Variants in SHISA9 observed in about 807,000 individuals in gnomAD.
The protein encoded by SHISA9 is shisa family member 9, also known as protein shisa-9.
Under a neutral mutation model 38.0 loss-of-function variants are expected in SHISA9, and 13 were observed. The ratio of observed to expected loss-of-function variants is 0.34; its 90% confidence interval spans 0.22 to 0.54. The LOEUF is 0.54. SHISA9 is among the 20% of genes least tolerant of loss of function. SHISA9 has a pLI of 0.91. For missense variants in SHISA9, 538 were observed against 575.8 expected (o/e 0.93, Z 0.67); for synonymous variants, 275 against 242.0 (o/e 1.14, Z -1.27).
chr16:13,479,182 A>G, the SHISA9 span, among the ~76,000 whole-genome samples: 1 of 151,716 alleles, frequency 6.6e-6, no homozygotes, highest in Non-Finnish European at 1.5e-5. Context: ...CCTTTCACTG[A>G]CTCTGAATCT....
intron 2 of SHISA9, among the ~76,000 whole-genome samples, chr16:12,940,348 G>A (rs2071593765): frequency 6.6e-6 from 1 of 152,014 alleles, no homozygotes; most frequent in Non-Finnish European, 1.5e-5. Flanking sequence ...ATATGCCTAG[G>A]CATGCCTGAA....
In SHISA9 at chr16:13,000,688, G is replaced by A. The variant is rs371547876; in HGVS notation, c.691+83873G>A. The stretch of plus-strand genomic sequence containing the variant: ...CAGTGTCTGCTAGGAGGGCTACGGG[G>A]GATGACGCATGGGGATGGCTTCCCA... On this transcript the variant is annotated intron_variant, in intron 2 of 4. Transcript: ENST00000558583. Among the ~76,000 whole-genome samples, 12 of 152,264 alleles carry A rather than the reference G, an allele frequency of 7.9e-5. No homozygotes were observed. In the East Asian group the frequency reaches 1.9e-3, roughly 25 times the overall value.
At chr16:12,953,255 C>T (rs997108392) in intron 2 of SHISA9, among the ~76,000 whole-genome samples, 8 of 151,942 alleles carry the variant, frequency 5.3e-5, no homozygotes, top group Non-Finnish European at 1.0e-4. Flanking sequence ...ACAGCCAAAG[C>T]TTATAAAGGC....
intron 2 of SHISA9, among the ~76,000 whole-genome samples, chr16:13,171,091 C>T (rs369788611): frequency 6.6e-5 from 10 of 152,174 alleles, no homozygotes; most frequent in African/African-American, 9.7e-5. Flanking sequence ...TTTCCAATCA[C>T]GGCCAAAATT....
intron 1 of SHISA9, among the ~76,000 whole-genome samples, chr16:12,916,190 C>G (rs2071254407): frequency 6.6e-6 from 1 of 152,114 alleles, no homozygotes; most frequent in Non-Finnish European, 1.5e-5. Context: ...CCTTTGTTTA[C>G]TTATCTGCAA....
the SHISA9 span, chr16:13,331,365 C>T: frequency 6.6e-6 from 1 of 151,724 alleles, no homozygotes; most frequent in African/African-American, 2.4e-5. Context: ...TTAAAAACTC[C>T]TCTTTAATAT....
At chr16:13,176,253 G>T (rs1213987255) in intron 2 of SHISA9, among the ~76,000 whole-genome samples, 2 of 152,010 alleles carry the variant, frequency 1.3e-5, no homozygotes, top group Non-Finnish European at 2.9e-5. Flanking sequence ...GGGGGGTCTA[G>T]GTATGGCCTT....
At chr16:13,196,421 A>C (rs536563596) in intron 2 of SHISA9, among the ~76,000 whole-genome samples, 1 of 151,878 alleles carries the variant, frequency 6.6e-6, no homozygotes, top group Non-Finnish European at 1.5e-5. Flanking sequence ...GAAAGAAAAA[A>C]AAAAGTCCAT....
the SHISA9 span, among the ~76,000 whole-genome samples, chr16:13,525,057 C>T: frequency 4.6e-5 from 7 of 152,258 alleles, no homozygotes; most frequent in Middle Eastern, 6.8e-3. Flanking sequence ...CTTTAGTGGG[C>T]ATCAAAATTA....
Position 13,235,700 on chromosome 16 carries a change from C to T in SHISA9, c.*291C>T. The T allele has an allele frequency of 5.2e-6, 2 of 385,698 alleles. No homozygotes were observed. The allele number at this position is 385,698 out of a possible 1,614,324, so 23.9% of individuals were successfully genotyped here. A position where few individuals can be genotyped will look rare whatever the true frequency, so the allele number is the denominator to read the frequency against. ...AGGCCCAAGATGGCCAACTCACATG[C>T]CCAAACCGTGGGGCTGAGTTTTCTT... On this transcript the variant is annotated 3_prime_UTR_variant, in exon 5 of 5. Transcript: ENST00000558583.
the SHISA9 span, among the ~76,000 whole-genome samples, chr16:13,560,295 T>G: frequency 6.6e-6 from 1 of 152,174 alleles, no homozygotes; most frequent in East Asian, 1.9e-4. Context: ...TTCACTGTAA[T>G]TAGACTGGCT....
intron 2 of SHISA9, among the ~76,000 whole-genome samples, chr16:12,938,169 C>T (rs914849661): frequency 2.0e-5 from 3 of 152,142 alleles, no homozygotes; most frequent in African/African-American, 2.4e-5. Flanking sequence ...GGGTCCATCC[C>T]GAGAAGGGGA....
chr16:13,112,490 G>A (rs2073988795), intron 2 of SHISA9, among the ~76,000 whole-genome samples: 1 of 152,074 alleles, frequency 6.6e-6, no homozygotes, highest in Non-Finnish European at 1.5e-5. Flanking sequence ...AATCTCTCAA[G>A]GAACATTTTC....
chr16:12,961,119 G>C (rs2071906293), intron 2 of SHISA9, among the ~76,000 whole-genome samples: 1 of 152,174 alleles, frequency 6.6e-6, no homozygotes, highest in Non-Finnish European at 1.5e-5. Flanking sequence ...GGCTTTAGCT[G>C]AGACCCGGAG....
chr16:13,176,564 A>C (rs1013263327), intron 2 of SHISA9, among the ~76,000 whole-genome samples: 2 of 152,244 alleles, frequency 1.3e-5, no homozygotes, highest in Non-Finnish European at 2.9e-5. Context: ...AGTCCAGCCC[A>C]AAACAGCCAG....
At chr16:13,321,004 C>A in the SHISA9 span, among the ~76,000 whole-genome samples, 2 of 152,164 alleles carry the variant, frequency 1.3e-5, no homozygotes, top group Non-Finnish European at 2.9e-5. Flanking sequence ...AGGTATTGAG[C>A]CTTGAAATGT....
chr16:13,249,387 C>A, the SHISA9 span, among the ~76,000 whole-genome samples: 1 of 152,182 alleles, frequency 6.6e-6, no homozygotes, highest in African/African-American at 2.4e-5. Context: ...CCTAGATTTT[C>A]TTACGTTTAA....
At chr16:13,068,815 T>A (rs2073465466) in intron 2 of SHISA9, among the ~76,000 whole-genome samples, 2 of 152,204 alleles carry the variant, frequency 1.3e-5, no homozygotes, top group Admixed American at 1.3e-4. Context: ...GTACATGCAA[T>A]GTGTGTATGT....
At chr16:13,415,098 G>T in the SHISA9 span, among the ~76,000 whole-genome samples, 2 of 152,122 alleles carry the variant, frequency 1.3e-5, no homozygotes, top group Non-Finnish European at 2.9e-5. Flanking sequence ...ACAGGTATGG[G>T]CTACAATCGA....
Sources: allele counts gnomAD v4.1 joint callset (sites outside exome capture counted in the v4.1 genomes callset), GRCh38; gene constraint gnomAD v4.1.1; transcripts MANE v1.5; gene names NCBI Gene and HGNC (gene_info 2026-07-23, HGNC 2026-07-21).